Variants in DNAH11 observed in about 807,000 individuals in gnomAD.
DNAH11 encodes axonemal beta dynein heavy chain 11.
DNAH11 carries 442 observed loss-of-function variants against 526.0 expected under a neutral mutation model. That is an observed-to-expected ratio of 0.84 (90% CI 0.78 to 0.91). The LOEUF (loss-of-function observed/expected upper bound fraction) is 0.91. DNAH11 is among the 40% of genes least tolerant of loss of function. DNAH11 has a pLI of 0.00. For synonymous variants in DNAH11, 2,461 were observed against 1,935.9 expected, an observed-to-expected ratio of 1.27 and a Z score of -7.12; for missense variants, 6,989 against 5,448.7, an observed-to-expected ratio of 1.28 and a Z score of -8.90.
intron 15 of DNAH11, 130 bp downstream of exon 15, chr7:21,600,249 C>A: frequency 2.7e-6 from 2 of 745,578 alleles, no homozygotes; most frequent in Admixed American, 3.2e-5. Context: ...TGCTTGGGCC[C>A]AAGAGTTCAA....
chr7:21,816,488 G>A lies in DNAH11; in HGVS notation c.10354G>A (p.Gly3452Ser). ...QQKVSIPLTEGLDLISMLTDD... is the reference protein window; with the variant it reads ...QQKVSIPLTESLDLISMLTDD... ...AAAGGTTTCCATTCCACTAACCGAA[G>A]GCCTGGACTTGATATCCATGTTGAC... Residue 3452 changes from glycine to serine, a missense_variant, in exon 64 of 82, where the codon GGC becomes AGC. By Grantham distance (56) the Gly-to-Ser change is moderately conservative. Coordinates refer to ENST00000409508, the MANE Select transcript of DNAH11 (RefSeq NM_001277115.2). 1 of 1,609,224 alleles carries A rather than the reference G, an allele frequency of 6.2e-7. No homozygotes were observed. The highest frequency in any genetic ancestry group is 8.5e-7 in the Non-Finnish European group (1 of 1,177,994).
intron 61 of DNAH11, among the ~76,000 whole-genome samples, chr7:21,792,926 T>C (rs565231576): frequency 2.0e-5 from 3 of 152,186 alleles, no homozygotes; most frequent in Non-Finnish European, 4.4e-5. Flanking sequence ...GGGTTTGATT[T>C]GTTCTTATTA....
intron 12 of DNAH11, among the ~76,000 whole-genome samples, chr7:21,590,210 T>C (rs1038736781): frequency 2.0e-5 from 3 of 152,204 alleles, no homozygotes; most frequent in African/African-American, 7.2e-5. Flanking sequence ...ATTTAATCAA[T>C]GCTAGATGTG....
chr7:21,548,741 T>A (rs1428748679), intron 2 of DNAH11, among the ~76,000 whole-genome samples: 1 of 152,174 alleles, frequency 6.6e-6, no homozygotes, highest in Non-Finnish European at 1.5e-5. Flanking sequence ...AGGAAGTGGA[T>A]ACAAGTTGAG....
At position 21,704,420 on chromosome 7, in the gene DNAH11, G is replaced by GT. The variant is rs762673009; in HGVS notation, c.6274-5dup. On this transcript the variant is annotated splice_polypyrimidine_tract_variant and intron_variant, in intron 37 of 81. Transcript: ENST00000409508. ...CCTTGTATTGGCTTTTTTATAAAAT[G>GT]TTTTTTTTTCTAGGTACTCATGAGA... 2.9e-4 allele frequency: 457 copies of GT among 1,574,914 alleles called. No individual in the cohort carries two copies. The highest frequency in any genetic ancestry group is 4.1e-4 in the Admixed American group (23 of 56,736).
Position 21,588,511 on chromosome 7 carries a change from G to T in DNAH11, c.1849-1G>T, listed in dbSNP as rs1357228958. ...CTCTTCACCAAAATATCAACTTGCA[G>T]ATTGAATGTGGTCATGTAGTTCTTA... On this transcript the variant is annotated splice_acceptor_variant, in intron 10 of 81. Transcript: ENST00000409508. LOFTEE classifies it high-confidence loss of function. 1 of 1,613,242 alleles carries T rather than the reference G, an allele frequency of 6.2e-7. No homozygotes were observed. Among genetic ancestry groups the T allele is most frequent in the Non-Finnish European group, 8.5e-7 (1 of 1,179,474 alleles).
intron 34 of DNAH11, among the ~76,000 whole-genome samples, chr7:21,688,827 G>C (rs771315499): frequency 6.6e-6 from 1 of 152,170 alleles, no homozygotes; most frequent in Non-Finnish European, 1.5e-5. Flanking sequence ...GGCTTAATTT[G>C]AGAAATAAAT....
At chr7:21,571,138 A>G (rs567001495) in intron 7 of DNAH11, among the ~76,000 whole-genome samples, 8 of 152,224 alleles carry the variant, frequency 5.3e-5, no homozygotes, top group African/African-American at 1.7e-4. Flanking sequence ...AATAAAGCAG[A>G]CTCACTGCCG....
chr7:21,836,705 C>T (rs563236650), intron 65 of DNAH11, among the ~76,000 whole-genome samples: 3 of 152,056 alleles, frequency 2.0e-5, no homozygotes, highest in Admixed American at 6.6e-5. Context: ...GGGGTAAGAC[C>T]TCAGAGGCTC....
intron 61 of DNAH11, among the ~76,000 whole-genome samples, chr7:21,792,954 G>A (rs1788539758): frequency 6.6e-6 from 1 of 152,030 alleles, no homozygotes; most frequent in African/African-American, 2.4e-5. Context: ...TCCTTGAGGT[G>A]TATCATTAGA....
At chr7:21,628,624 A>G (rs189227469) in intron 25 of DNAH11, among the ~76,000 whole-genome samples, 5 of 152,218 alleles carry the variant, frequency 3.3e-5, no homozygotes, top group East Asian at 1.9e-4. Flanking sequence ...CTGTCCTTCT[A>G]TCTCTGGAAT....
intron 74 of DNAH11, among the ~76,000 whole-genome samples, chr7:21,873,866 C>A (rs1783596373): frequency 7.5e-6 from 1 of 132,454 alleles, no homozygotes; most frequent in Non-Finnish European, 1.6e-5. Context: ...TCTTGCCTCA[C>A]TGCAACTTCC....
At chr7:21,819,715 A>G (rs1197432754) in intron 65 of DNAH11, among the ~76,000 whole-genome samples, 1 of 152,174 alleles carries the variant, frequency 6.6e-6, no homozygotes, top group East Asian at 1.9e-4. Context: ...AAATTTCCAA[A>G]GGCTGATAAA....
Position 21,599,902 on chromosome 7 carries a change from A to T in DNAH11, c.2783A>T (p.Asp928Val), listed in dbSNP as rs201386161. The change falls in exon 15 of 82, where the codon GAC becomes GTC. Residue 928 changes from aspartate (D) to valine (V), a missense_variant. By Grantham distance (152) the Asp-to-Val change is radical. Transcript: ENST00000409508. ...TTTCAGGCTATAATGCACGACTTAG[A>T]CTTCTTTCTGAAGAATACAGAGAAA... is the stretch of plus-strand genomic sequence containing the variant. The part of the protein sequence containing the change: ...GFFQAIMHDL[D>V]FFLKNTEKQL... 1.8e-3 allele frequency: 2,882 copies of T among 1,613,486 alleles called. 6 individuals carry two copies. Among genetic ancestry groups the T allele is most frequent in the Non-Finnish European group, 2.2e-3 (2,629 of 1,179,746 alleles).
chr7:21,585,891 T>A (rs955012577), intron 9 of DNAH11, among the ~76,000 whole-genome samples: 7 of 152,166 alleles, frequency 4.6e-5, no homozygotes, highest in African/African-American at 1.4e-4. Flanking sequence ...GAGAAGCATG[T>A]GGTGGGAATT....
intron 61 of DNAH11, among the ~76,000 whole-genome samples, chr7:21,791,232 G>A (rs1276659131): frequency 1.3e-5 from 2 of 152,198 alleles, no homozygotes; most frequent in Non-Finnish European, 2.9e-5. Context: ...TCAAGTAGTG[G>A]TAACAGCAAC....
At position 21,702,697 on chromosome 7, in the gene DNAH11, G is replaced by C. The variant is rs755474866; in HGVS notation, c.6181-13G>C. On this transcript the variant is annotated splice_polypyrimidine_tract_variant and intron_variant, in intron 36 of 81. Coordinates refer to ENST00000409508, the MANE Select transcript of DNAH11 (RefSeq NM_001277115.2). ...ATACAATTTTTGAGAAAATAAACCT[G>C]TTTTGATTTTAGGATCATTACGACT... is the stretch of plus-strand genomic sequence containing the variant. 1.5e-5 allele frequency: 24 copies of C among 1,610,950 alleles called. No homozygotes were observed. The East Asian group carries it at 3.3e-4, about 22-fold the overall frequency.
intron 40 of DNAH11, among the ~76,000 whole-genome samples, chr7:21,709,646 T>A (rs1463678611): frequency 2.6e-5 from 4 of 152,216 alleles, no homozygotes. Flanking sequence ...CCTCTCGTCT[T>A]GTGTACACTC....
chr7:21,777,397 G>A lies in DNAH11; in HGVS notation c.9337-1561G>A, dbSNP rs377641140. ...AAGCTGTTATGAATACCCGTGTACAGGTTTTTTTTTTTGTAGGCATAAATC... is the reference window on the plus strand; with the variant it reads ...AAGCTGTTATGAATACCCGTGTACAAGTTTTTTTTTTTGTAGGCATAAATC... On this transcript the variant is annotated intron_variant, in intron 56 of 81. Coordinates refer to ENST00000409508, the MANE Select transcript of DNAH11 (RefSeq NM_001277115.2). Among the ~76,000 whole-genome samples, 2 of 151,332 alleles carry A rather than the reference G, an allele frequency of 1.3e-5. 1 individual carries two copies. Among genetic ancestry groups the A allele is most frequent in the East Asian group, 3.9e-4 (2 of 5,166 alleles).
Sources: gnomAD v4.1 joint callset for allele counts (sites outside exome capture counted in the v4.1 genomes callset) on GRCh38, gnomAD v4.1.1 for gene constraint, MANE v1.5 for transcripts, NCBI Gene and HGNC (gene_info 2026-07-23, HGNC 2026-07-21) for gene names.